The following IGFBP3 variants were observed in gnomAD, a reference collection of about 807,000 sequenced individuals.
The protein encoded by IGFBP3 is insulin like growth factor binding protein 3, also known as insulin-like growth factor-binding protein 3.
A neutral mutation model predicts 28.6 loss-of-function variants in IGFBP3; 9 were observed. That is an observed-to-expected ratio of 0.31 (90% CI 0.19 to 0.55). The LOEUF (loss-of-function observed/expected upper bound fraction) is 0.55. Among genes scored for constraint, IGFBP3 ranks in the 20% least tolerant of loss-of-function variants. The pLI, the probability that IGFBP3 is intolerant of heterozygous loss-of-function variation, is 0.93. For synonymous variants in IGFBP3, 185 were observed against 188.2 expected (o/e 0.98, Z 0.14); for missense variants, 382 against 428.9 (o/e 0.89, Z 0.97).
At position 45,920,939 on chromosome 7, in the gene IGFBP3, C is replaced by A; in HGVS notation, c.202G>T (p.Gly68Cys). The change falls in exon 1 of 5, where the codon GGC becomes TGC. Residue 68 changes from glycine to cysteine, a missense_variant. Gly to Cys is a radical substitution (Grantham distance 159). Transcript: ENST00000613132. The part of the protein sequence containing the change: ...CAELVREPGC[G>C]CCLTCALSEG... Reference sequence around the variant, plus strand: ...CTCAGTGCGCACGTCAGGCAGCAGCCGCAGCCCGGCTCGCGCACCAGCTCC... The same window carrying A: ...CTCAGTGCGCACGTCAGGCAGCAGCAGCAGCCCGGCTCGCGCACCAGCTCC... 2 of 1,396,216 alleles carry A rather than the reference C, an allele frequency of 1.4e-6. No homozygotes were observed. The highest frequency in any genetic ancestry group is 1.9e-6 in the Non-Finnish European group (2 of 1,080,892). 86.5% of individuals were successfully genotyped at this position (1,396,216 alleles called of 1,614,324 possible). A position where few individuals can be genotyped will look rare whatever the true frequency, so the allele number is the denominator to read the frequency against.
At chr7:45,920,706 TG>T in intron 1 of IGFBP3, 31 bp downstream of exon 1, 1 of 1,363,598 alleles carries the variant, frequency 7.3e-7, no homozygotes, top group Non-Finnish European at 9.4e-7. Context: ...CGCCGGGTGC[TG>T]CACGCAGCGC....
At chr7:45,913,933 T>A (rs1379984696) in intron 4 of IGFBP3, 99 bp from the exon 5 acceptor site, 1 of 152,238 alleles carries the variant, frequency 6.6e-6, no homozygotes, top group Non-Finnish European at 1.5e-5. Context: ...TGCAGGCTAA[T>A]GGCACTAGGC....
chr7:45,915,636 A>T (rs1191679291), intron 3 of IGFBP3, among the ~76,000 whole-genome samples: 1 of 104,276 alleles, frequency 9.6e-6, no homozygotes, highest in Admixed American at 8.2e-5. Context: ...TTTCAGGTTA[A>T]TTGGGATTTT....
At chr7:45,915,962 C>G (rs1298391123) in intron 3 of IGFBP3, among the ~76,000 whole-genome samples, 1 of 152,216 alleles carries the variant, frequency 6.6e-6, no homozygotes, top group African/African-American at 2.4e-5. Context: ...GGCCATGCTG[C>G]AGTCATCCCC....
rs575010137 is a variant in IGFBP3, at chr7:45,912,833, A to G, written c.*1017T>C. 6 of 152,740 alleles carry G rather than the reference A, an allele frequency of 3.9e-5. No individual in the cohort carries two copies. The highest frequency in any genetic ancestry group is 1.2e-4 in the African/African-American group (5 of 41,576). The allele number at this position is 152,740 out of a possible 1,614,324, so 9.5% of individuals were successfully genotyped here. A position where few individuals can be genotyped will look rare whatever the true frequency, so the allele number is the denominator to read the frequency against. ...CATGGGTGAATCTCTATGTGCTCCCAGTGTCCTGGATGGGCTCCCCAGCAA... is the reference window on the plus strand; with the variant it reads ...CATGGGTGAATCTCTATGTGCTCCCGGTGTCCTGGATGGGCTCCCCAGCAA... On this transcript the variant is annotated 3_prime_UTR_variant, in exon 5 of 5. Transcript: ENST00000613132.
Position 45,912,962 on chromosome 7 carries a change from T to C in IGFBP3, c.*888A>G, listed in dbSNP as rs575195497. 1 of 152,312 alleles carries C rather than the reference T, an allele frequency of 6.6e-6. No individual in the cohort carries two copies. The highest frequency in any genetic ancestry group is 2.1e-4 in the South Asian group (1 of 4,820). The allele number at this position is 152,312 out of a possible 1,614,324, so 9.4% of individuals were successfully genotyped here. A position where few individuals can be genotyped will look rare whatever the true frequency, so the allele number is the denominator to read the frequency against. On this transcript the variant is annotated 3_prime_UTR_variant, in exon 5 of 5. Transcript: ENST00000613132. ...TAAAGCTTTGCCTTTAAAGAGCTTA[T>C]CCTCAGAAATAAGCTTCGTCTTGAG...
intron 2 of IGFBP3, 65 bp downstream of exon 2, chr7:45,917,148 A>T: frequency 7.5e-7 from 1 of 1,336,048 alleles, no homozygotes; most frequent in South Asian, 1.2e-5. Context: ...TGCCCTCAAG[A>T]GGCTCTGAGT....
chr7:45,920,457 C>T (rs1562582321), intron 1 of IGFBP3: 1 of 366,510 alleles, frequency 2.7e-6, no homozygotes, highest in Non-Finnish European at 4.8e-6. Flanking sequence ...ACATCGGTAC[C>T]GCTCCCCTCA....
chr7:45,920,840 C>A lies in IGFBP3; in HGVS notation c.301G>T (p.Ala101Ser). The change falls in exon 1 of 5, where the codon GCG becomes TCG. Residue 101 changes from alanine to serine, a missense_variant. Ala to Ser is a moderately conservative substitution (Grantham distance 99). Transcript: ENST00000613132. ...TCCAGCAGCGCCTGCAGCGGTCGCG[C>A]CTCGTCGGGCGACGGCTGGCAGCGA... ...GLRCQPSPDE[A>S]RPLQALLDGR... The A allele has an allele frequency of 7.1e-7, 1 of 1,411,022 alleles. No homozygotes were observed. Among genetic ancestry groups the A allele is most frequent in the Non-Finnish European group, 9.2e-7 (1 of 1,091,116 alleles). 87.4% of individuals were successfully genotyped at this position (1,411,022 alleles called of 1,614,324 possible).
rs1320900529 is a variant in IGFBP3, at chr7:45,912,593, G to A, written c.*1257C>T. 4.6e-5 allele frequency: 7 copies of A among 152,574 alleles called. No individual in the cohort carries two copies. The highest frequency in any genetic ancestry group is 6.5e-5 in the Admixed American group (1 of 15,276). The allele number at this position is 152,574 out of a possible 1,614,324, so 9.5% of individuals were successfully genotyped here. A position where few individuals can be genotyped will look rare whatever the true frequency, so the allele number is the denominator to read the frequency against. ...CCAGACCTTCTTGGGTTTGGCCTCC[G>A]GGAGAGCAGCCCAGTCTCTGGGCGT... On this transcript the variant is annotated 3_prime_UTR_variant, in exon 5 of 5. Coordinates refer to ENST00000613132, the MANE Select transcript of IGFBP3 (RefSeq NM_000598.5).
At chr7:45,917,561 AG>A in intron 1 of IGFBP3, 122 bp from the exon 2 acceptor site, 2 of 672,262 alleles carry the variant, frequency 3.0e-6, no homozygotes, top group South Asian at 2.0e-5. Flanking sequence ...AATCCAAGTG[AG>A]TTTTTTTTTT....
At chr7:45,920,660 G>C (rs957594956) in intron 1 of IGFBP3, 78 bp downstream of exon 1, 4 of 1,232,974 alleles carry the variant, frequency 3.2e-6, no homozygotes, top group Non-Finnish European at 4.1e-6. Context: ...CTCCCGCAGC[G>C]GCACCCAGCA....
In IGFBP3 at chr7:45,921,005, G is replaced by T. The variant is rs1784681211; in HGVS notation, c.136C>A (p.Arg46Ser). 1 of 1,388,320 alleles carries T rather than the reference G, an allele frequency of 7.2e-7. No homozygotes were observed. The highest frequency in any genetic ancestry group is 1.5e-5 in the African/African-American group (1 of 65,556). The allele number at this position is 1,388,320 out of a possible 1,614,324, so 86.0% of individuals were successfully genotyped here. ...GGAGGCGCGCACTGGGCCAGTGCAC[G>T]CGCGTCGCACGGCTCGCAGCGCACC... is the stretch of plus-strand genomic sequence containing the variant. ...PVVRCEPCDA[R>S]ALAQCAPPPA... Residue 46 changes from arginine (R) to serine (S), a missense_variant, in exon 1 of 5, where the codon CGT becomes AGT. Arg to Ser is a moderately radical substitution (Grantham distance 110). Transcript: ENST00000613132.
At position 45,916,535 on chromosome 7, in the gene IGFBP3, G is replaced by A. The variant is rs761436951; in HGVS notation, c.750+13C>T. 2.6e-5 allele frequency: 41 copies of A among 1,607,762 alleles called. No homozygotes were observed. The highest frequency in any genetic ancestry group is 3.2e-5 in the Non-Finnish European group (38 of 1,175,098). ...ACAGAAGAGGAAGAAAACACACTGA[G>A]GACCTCACTCACCTGCTTTTTCTTA... On this transcript the variant is annotated intron_variant, in intron 3 of 4. Transcript: ENST00000613132.
intron 1 of IGFBP3, among the ~76,000 whole-genome samples, chr7:45,918,615 C>T (rs926234853): frequency 1.3e-5 from 2 of 152,216 alleles, no homozygotes; most frequent in Non-Finnish European, 2.9e-5. Context: ...TCTACTACAA[C>T]AAACAGGGCT....
At position 45,913,101 on chromosome 7, in the gene IGFBP3, A is replaced by G. The variant is rs1286692569; in HGVS notation, c.*749T>C. The G allele has an allele frequency of 1.3e-5, 2 of 152,014 alleles. No homozygotes were observed. Among genetic ancestry groups the G allele is most frequent in the Non-Finnish European group, 2.9e-5 (2 of 68,016 alleles). The allele number at this position is 152,014 out of a possible 1,614,324, so 9.4% of individuals were successfully genotyped here. The stretch of plus-strand genomic sequence containing the variant: ...CCTGTCTCTCTGTCCCTCCTACCCC[A>G]CGGGGCCGCAGCAAAAGCCATCCTG... On this transcript the variant is annotated 3_prime_UTR_variant, in exon 5 of 5. Transcript: ENST00000613132.
At chr7:45,920,646 G>C (rs1398888389) in intron 1 of IGFBP3, 92 bp downstream of exon 1, 4 of 1,168,092 alleles carry the variant, frequency 3.4e-6, no homozygotes, top group Non-Finnish European at 2.2e-6. Context: ...AAGAAAAGCG[G>C]AGTCTCCCGC....
intron 1 of IGFBP3, among the ~76,000 whole-genome samples, chr7:45,919,390 C>T (rs1451708937): frequency 6.6e-6 from 1 of 152,214 alleles, no homozygotes; most frequent in African/African-American, 2.4e-5. Flanking sequence ...AATGACATAA[C>T]TTTGCCCCGA....
At chr7:45,914,969 G>A in intron 3 of IGFBP3, 24 bp from the exon 4 acceptor site, 1 of 1,612,956 alleles carries the variant, frequency 6.2e-7, no homozygotes, top group Non-Finnish European at 8.5e-7. Flanking sequence ...ACAGAAGACA[G>A]AGAAGTGAAT....
Sources: allele counts gnomAD v4.1 joint callset (sites outside exome capture counted in the v4.1 genomes callset), GRCh38; gene constraint gnomAD v4.1.1; transcripts MANE v1.5; gene names NCBI Gene and HGNC (gene_info 2026-07-23, HGNC 2026-07-21).